ATXN1: variants seen among roughly 807,000 people sequenced by gnomAD.
ATXN1 encodes ataxin 1, also known as ataxin-1.
A neutral mutation model predicts 56.4 loss-of-function variants in ATXN1; 8 were observed. The ratio of observed to expected loss-of-function variants is 0.14; its 90% CI spans 0.08 to 0.26. ATXN1 has a LOEUF of 0.26. Among genes scored for constraint, ATXN1 ranks in the 10% least tolerant of loss-of-function variants. ATXN1 has a pLI of 1.00. For synonymous variants in ATXN1, 514 were observed against 494.6 expected, an observed-to-expected ratio of 1.04 and a Z score of -0.52; for missense variants, 987 against 1,106.5, an observed-to-expected ratio of 0.89 and a Z score of 1.53.
At chr6:16,714,360 C>CCCA (rs1759595475) in intron 2 of ATXN1, among the ~76,000 whole-genome samples, 1 of 151,984 alleles carries the variant, frequency 6.6e-6, no homozygotes, top group Non-Finnish European at 1.5e-5. Flanking sequence ...CTGGGAGGCA[C>CCCA]CCACCACCAC....
chr6:16,404,627 C>T (rs1376448196), intron 6 of ATXN1, among the ~76,000 whole-genome samples: 1 of 152,216 alleles, frequency 6.6e-6, no homozygotes, highest in African/African-American at 2.4e-5. Flanking sequence ...CAGTTAAGGT[C>T]CCTGGGTTGT....
At chr6:16,574,362 T>C (rs1191512532) in intron 4 of ATXN1, among the ~76,000 whole-genome samples, 1 of 152,188 alleles carries the variant, frequency 6.6e-6, no homozygotes, top group Non-Finnish European at 1.5e-5. Flanking sequence ...TGCGCCACCA[T>C]GCCCAGCTAA....
chr6:16,744,239 C>A (rs1760443609), intron 2 of ATXN1, among the ~76,000 whole-genome samples: 1 of 152,162 alleles, frequency 6.6e-6, no homozygotes, highest in Non-Finnish European at 1.5e-5. Context: ...ACTGGAAGAG[C>A]TATCCCCGGA....
chr6:16,717,732 C>T (rs1759667695), intron 2 of ATXN1, among the ~76,000 whole-genome samples: 1 of 152,182 alleles, frequency 6.6e-6, no homozygotes, highest in South Asian at 2.1e-4. Flanking sequence ...TCATCTGTGG[C>T]ATAGCTCTCT....
intron 5 of ATXN1, among the ~76,000 whole-genome samples, chr6:16,501,912 T>C (rs1017159659): frequency 1.3e-5 from 2 of 152,196 alleles, no homozygotes; most frequent in Non-Finnish European, 2.9e-5. Flanking sequence ...TCTTCCACAA[T>C]GGTTGAACTA....
At chr6:16,346,638 T>C (rs1170008558) in intron 6 of ATXN1, among the ~76,000 whole-genome samples, 1 of 152,188 alleles carries the variant, frequency 6.6e-6, no homozygotes, top group Non-Finnish European at 1.5e-5. Context: ...AGGAAAGTCT[T>C]TCAATTTTCT....
chr6:16,429,366 C>T (rs1361890202), intron 6 of ATXN1, among the ~76,000 whole-genome samples: 2 of 72,426 alleles, frequency 2.8e-5, no homozygotes, highest in African/African-American at 5.5e-5. Context: ...TGTTTGGAGT[C>T]CTTTTAGCAT....
Position 16,306,297 on chromosome 6 carries a change from G to A in ATXN1, c.*32C>T, listed in dbSNP as rs1760246273. The A allele has an allele frequency of 1.3e-6, 2 of 1,565,386 alleles. No individual in the cohort carries two copies. The highest frequency in any genetic ancestry group is 2.2e-5 in the East Asian group (1 of 44,538). On this transcript the variant is annotated 3_prime_UTR_variant, in exon 8 of 8. Coordinates refer to ENST00000436367, the MANE Select transcript of ATXN1 (RefSeq NM_001128164.2). The surrounding 1 kb of genome is among the most constrained non-coding windows in gnomAD (Gnocchi z 5.2). ...AGTAATCTGGATACAAATGATAAGG[G>A]AGAGCCACGTTTCCTTTCCCCCACG... is the stretch of plus-strand genomic sequence containing the variant.
intron 6 of ATXN1, among the ~76,000 whole-genome samples, chr6:16,440,949 T>C (rs1759505649): frequency 6.6e-6 from 1 of 151,808 alleles, no homozygotes. Flanking sequence ...CAAGAGAAAG[T>C]TGGAGGAGAG....
At chr6:16,398,410 G>A (rs142121091) in intron 6 of ATXN1, among the ~76,000 whole-genome samples, 188 of 152,214 alleles carry the variant, frequency 1.2e-3, no homozygotes, top group African/African-American at 4.0e-3. Flanking sequence ...AGAAGTAATC[G>A]TGAATAAAGA....
chr6:16,329,795 T>C (rs1197028614), intron 6 of ATXN1, among the ~76,000 whole-genome samples: 4 of 152,248 alleles, frequency 2.6e-5, no homozygotes, highest in Non-Finnish European at 5.9e-5. Context: ...CCAGTTCTTA[T>C]GGTCAAGTAT....
At chr6:16,335,458 G>A (rs1459184536) in intron 6 of ATXN1, among the ~76,000 whole-genome samples, 1 of 152,166 alleles carries the variant, frequency 6.6e-6, no homozygotes, top group African/African-American at 2.4e-5. Flanking sequence ...TGCTCTTCAC[G>A]GAAGTGTAGT....
intron 2 of ATXN1, among the ~76,000 whole-genome samples, chr6:16,692,061 C>T (rs1207119120): frequency 6.6e-6 from 1 of 152,148 alleles, no homozygotes; most frequent in African/African-American, 2.4e-5. Flanking sequence ...ATCAGGAGTT[C>T]GAGACCAGCC....
At chr6:16,735,645 A>G (rs1051192348) in intron 2 of ATXN1, among the ~76,000 whole-genome samples, 3 of 152,214 alleles carry the variant, frequency 2.0e-5, no homozygotes, top group African/African-American at 7.2e-5. Flanking sequence ...AAGTATGAAG[A>G]TATCTACCAC....
At chr6:16,437,769 A>G (rs562746520) in intron 6 of ATXN1, among the ~76,000 whole-genome samples, 14 of 152,332 alleles carry the variant, frequency 9.2e-5, no homozygotes, top group African/African-American at 3.4e-4. Flanking sequence ...TCCTAAATGC[A>G]TAAGTTGGCT....
chr6:16,484,982 T>C (rs1760514364), intron 6 of ATXN1, among the ~76,000 whole-genome samples: 1 of 140,888 alleles, frequency 7.1e-6, no homozygotes, highest in Admixed American at 7.6e-5. Flanking sequence ...TGTGTGTGTG[T>C]GTGTGTGTGT....
intron 4 of ATXN1, among the ~76,000 whole-genome samples, chr6:16,541,184 C>T (rs1314754844): frequency 6.6e-6 from 1 of 152,210 alleles, no homozygotes; most frequent in Non-Finnish European, 1.5e-5. Context: ...TTATGGGGAG[C>T]CTCTGGGGCT....
intron 4 of ATXN1, among the ~76,000 whole-genome samples, chr6:16,548,887 C>T (rs1448111627): frequency 1.3e-5 from 2 of 152,124 alleles, no homozygotes; most frequent in Admixed American, 6.5e-5. Context: ...TGCACCACTG[C>T]ACTCCAGCCT....
intron 6 of ATXN1, among the ~76,000 whole-genome samples, chr6:16,463,023 A>G (rs1760030815): frequency 1.3e-5 from 2 of 151,974 alleles, no homozygotes; most frequent in Non-Finnish European, 2.9e-5. Context: ...CTCTCTTTCA[A>G]TCACTCTCTT....
Sources: gnomAD v4.1 joint callset for allele counts (sites outside exome capture counted in the v4.1 genomes callset) on GRCh38, gnomAD v4.1.1 for gene constraint, Gnocchi (gnomAD v3.1) non-coding constraint, MANE v1.5 for transcripts, NCBI Gene and HGNC (gene_info 2026-07-23, HGNC 2026-07-21) for gene names.